The following FAAH2 variants were observed in gnomAD, a reference collection of about 807,000 sequenced individuals.
FAAH2 encodes the protein fatty acid amide hydrolase 2.
In FAAH2, 60 loss-of-function variants were observed where a neutral mutation model predicts 36.9. That is an observed-to-expected ratio of 1.63 (90% confidence interval 1.32 to 2.02). The LOEUF is 2.02. Ranked by LOEUF, FAAH2 falls within the 30% of genes most tolerant of loss-of-function variation. The probability of loss-of-function intolerance (pLI) is 0.00; values close to 1 mark genes in which losing one functional copy is unlikely to be tolerated. For synonymous variants in FAAH2, 214 were observed against 143.8 expected (o/e 1.49, Z -3.49); for missense variants, 689 against 397.5 (o/e 1.73, Z -6.23).
chrX:57,329,588 A>G (rs2053337158), intron 3 of FAAH2, among the ~76,000 whole-genome samples: 1 of 109,319 alleles, frequency 9.1e-6, no homozygotes, highest in South Asian at 4.0e-4. Flanking sequence ...CAGGGTGCAC[A>G]CAATTATGTG....
At chrX:57,308,525 G>A (rs924318928) in intron 2 of FAAH2, among the ~76,000 whole-genome samples, 2 of 111,322 alleles carry the variant, frequency 1.8e-5, no homozygotes, top group Admixed American at 9.6e-5. Flanking sequence ...ATAGATTCTG[G>A]ATATTAGATC....
chrX:57,455,821 A>T (rs1414486898), intron 10 of FAAH2, among the ~76,000 whole-genome samples: 1 of 112,005 alleles, frequency 8.9e-6, no homozygotes, highest in East Asian at 2.8e-4. Context: ...CTTCCTAACC[A>T]ATGGAAAGAT....
chrX:57,459,652 A>G (rs1036063976), intron 10 of FAAH2, among the ~76,000 whole-genome samples: 2 of 112,457 alleles, frequency 1.8e-5, no homozygotes, highest in East Asian at 2.8e-4. Context: ...AGGAAGAAGC[A>G]GGCAGCAATC....
At chrX:57,426,849 T>C (rs2056173863) in intron 7 of FAAH2, among the ~76,000 whole-genome samples, 1 of 109,720 alleles carries the variant, frequency 9.1e-6, no homozygotes, top group Non-Finnish European at 1.9e-5. Context: ...AACCAGAAAA[T>C]ATGAACAAAC....
chrX:57,316,936 A>G (rs1193700615), intron 3 of FAAH2, among the ~76,000 whole-genome samples: 2 of 111,734 alleles, frequency 1.8e-5, no homozygotes, highest in Non-Finnish European at 3.8e-5. Context: ...TAAACCATCA[A>G]CAGAATAAAC....
intron 5 of FAAH2, among the ~76,000 whole-genome samples, chrX:57,362,439 C>T (rs1007756343): frequency 9.0e-6 from 1 of 110,928 alleles, no homozygotes; most frequent in South Asian, 3.8e-4. Flanking sequence ...CACCATGGCA[C>T]GTGTATACCT....
chrX:57,236,813 T>C, the FAAH2 span, among the ~76,000 whole-genome samples: 1 of 111,747 alleles, frequency 8.9e-6, no homozygotes, highest in Non-Finnish European at 1.9e-5. Flanking sequence ...GTTGCCTCTT[T>C]GCTCTGTTCA....
At chrX:57,233,458 G>A in the FAAH2 span, among the ~76,000 whole-genome samples, 40 of 110,867 alleles carry the variant, frequency 3.6e-4, 1 homozygote, top group South Asian at 0.015. Flanking sequence ...GTGACAAATT[G>A]CAACATTGTA....
chrX:57,306,994 G>GATAGATATATATATATATATATATAT (rs770040896), intron 2 of FAAH2, among the ~76,000 whole-genome samples: 5 of 31,023 alleles, frequency 1.6e-4, no homozygotes, highest in Non-Finnish European at 2.2e-4. Context: ...CACACACACA[G>GATAGATATATATATATATATATATAT]ATACATATAT....
At chrX:57,345,325 G>T (rs1477363161) in intron 5 of FAAH2, among the ~76,000 whole-genome samples, 1 of 109,436 alleles carries the variant, frequency 9.1e-6, no homozygotes, top group Non-Finnish European at 1.9e-5. Context: ...CTTGTTATTT[G>T]TCTTTTCAAG....
intron 7 of FAAH2, among the ~76,000 whole-genome samples, chrX:57,382,085 T>G (rs1023307859): frequency 6.3e-5 from 7 of 111,093 alleles, no homozygotes; most frequent in Non-Finnish European, 7.6e-5. Context: ...ACTGGGTACA[T>G]AACGAAATGA....
chrX:57,288,463 C>T (rs2051881785), intron 1 of FAAH2, among the ~76,000 whole-genome samples: 2 of 104,412 alleles, frequency 1.9e-5, no homozygotes, highest in South Asian at 8.9e-4. Flanking sequence ...CATTCTCCTG[C>T]CTCAGCCTCC....
chrX:57,433,438 G>A (rs968081488), intron 8 of FAAH2, among the ~76,000 whole-genome samples: 4 of 111,551 alleles, frequency 3.6e-5, no homozygotes, highest in Non-Finnish European at 5.7e-5. Context: ...TACTTTTTAT[G>A]TTAATGTAGC....
chrX:57,242,722 C>A, the FAAH2 span, among the ~76,000 whole-genome samples: 2 of 112,181 alleles, frequency 1.8e-5, no homozygotes, highest in African/African-American at 6.5e-5. Context: ...ATGGTGCATT[C>A]CAACCCACAT....
chrX:57,277,674 C>A, the FAAH2 span, among the ~76,000 whole-genome samples: 7,868 of 111,516 alleles, frequency 0.071, 683 homozygotes, highest in African/African-American at 0.25. Context: ...TTAGAAAACC[C>A]CATTGTCTCA....
chrX:57,214,193 GCA>G, the FAAH2 span, among the ~76,000 whole-genome samples: 1 of 111,610 alleles, frequency 9.0e-6, no homozygotes, highest in South Asian at 3.7e-4. Flanking sequence ...TGTTTCTTTA[GCA>G]GTAGGTTTGT....
Position 57,359,483 on chromosome X carries a change from T to A in FAAH2, c.742+18093T>A, listed in dbSNP as rs1252955889. 2.7e-5 allele frequency among the ~76,000 whole-genome samples: 3 copies of A among 111,700 alleles called. No homozygotes were observed. The Admixed American group carries it at 2.9e-4, about 11-fold the overall frequency. ...TAGTTTTATTCCAATAGATTGGAAA[T>A]CATGTTTTGTACATTATTTAGGCCT... On this transcript the variant is annotated intron_variant, in intron 5 of 10. Transcript: ENST00000374900.
chrX:57,437,561 C>A (rs1240520986), intron 8 of FAAH2, among the ~76,000 whole-genome samples: 1 of 108,470 alleles, frequency 9.2e-6, no homozygotes, highest in Non-Finnish European at 1.9e-5. Context: ...TGTATAAAAA[C>A]AAGTAGCATT....
At chrX:57,394,755 C>T (rs1022675834) in intron 7 of FAAH2, 26 of 886,157 alleles carry the variant, frequency 2.9e-5, no homozygotes, top group Non-Finnish European at 6.6e-6. Context: ...TCCCCTTTAA[C>T]CATTTCAGGC....
Sources: allele counts gnomAD v4.1 joint callset (sites outside exome capture counted in the v4.1 genomes callset), GRCh38; gene constraint gnomAD v4.1.1; transcripts MANE v1.5; gene names NCBI Gene and HGNC (gene_info 2026-07-23, HGNC 2026-07-21).